The following PDLIM5 variants were observed in gnomAD, a reference collection of about 807,000 sequenced individuals.
The protein encoded by PDLIM5 is PDZ and LIM domain protein 5.
In PDLIM5, 34 loss-of-function variants were observed where a neutral mutation model predicts 64.2. The observed-to-expected ratio is 0.53, with a 90% CI of 0.40 to 0.71. The LOEUF (loss-of-function observed/expected upper bound fraction) is 0.71, where lower values mean the gene tolerates loss of function less well. Among genes scored for constraint, PDLIM5 ranks in the 30% least tolerant of loss-of-function variants. The pLI is 0.00. For synonymous variants in PDLIM5, 253 were observed against 269.1 expected, an observed-to-expected ratio of 0.94 and a Z score of 0.59; for missense variants, 683 against 733.6, an observed-to-expected ratio of 0.93 and a Z score of 0.80.
chr4:94,454,191 T>C (rs1723116626), intron 1 of PDLIM5, among the ~76,000 whole-genome samples: 1 of 151,966 alleles, frequency 6.6e-6, no homozygotes, highest in Admixed American at 6.6e-5. Context: ...GTTTTTAATA[T>C]AAAATTACAT....
chr4:94,623,644 C>T lies in PDLIM5; in HGVS notation c.1108+5453C>T, dbSNP rs184358249. On this transcript the variant is annotated intron_variant, in intron 8 of 12. Transcript: ENST00000317968. Reference sequence around the variant, plus strand: ...TTTACAGCATCTAAACAATGCCTGGCACAGTTTATAGGCCCTCAGTAAATG... The same window carrying T: ...TTTACAGCATCTAAACAATGCCTGGTACAGTTTATAGGCCCTCAGTAAATG... Among the ~76,000 whole-genome samples, 210 of 152,234 alleles carry T rather than the reference C, an allele frequency of 1.4e-3. 1 individual carries two copies. Among genetic ancestry groups the T allele is most frequent in the African/African-American group, 4.9e-3 (202 of 41,532 alleles).
At chr4:94,553,496 A>G (rs1732998971) in intron 3 of PDLIM5, among the ~76,000 whole-genome samples, 1 of 152,216 alleles carries the variant, frequency 6.6e-6, no homozygotes, top group African/African-American at 2.4e-5. Context: ...TTATTTAACA[A>G]TAAATTTTAA....
chr4:94,548,830 G>A (rs919598736), intron 3 of PDLIM5, among the ~76,000 whole-genome samples: 9 of 152,008 alleles, frequency 5.9e-5, no homozygotes, highest in African/African-American at 1.7e-4. Context: ...TTGATGTCCC[G>A]TGGCTGGCCA....
chr4:94,625,609 T>C (rs549321188), intron 8 of PDLIM5, among the ~76,000 whole-genome samples: 33 of 152,084 alleles, frequency 2.2e-4, no homozygotes, highest in African/African-American at 5.3e-4. Context: ...CCCGCCACCA[T>C]GCCCGGCTAA....
In PDLIM5 at chr4:94,574,758, T is replaced by G. The variant is rs962189402; in HGVS notation, c.292-858T>G. 5.9e-5 allele frequency among the ~76,000 whole-genome samples: 9 copies of G among 152,208 alleles called. 1 individual carries two copies. The South Asian group carries it at 1.9e-3, about 32-fold the overall frequency. ...ATGCTTTGGAATAAGGATTGGCAAA[T>G]AAAAATTCTGGTAATTTTAGGAGGA... On this transcript the variant is annotated intron_variant, in intron 4 of 12. Coordinates refer to ENST00000317968, the MANE Select transcript of PDLIM5 (RefSeq NM_006457.5).
At chr4:94,586,572 T>G (rs1290854049) in intron 7 of PDLIM5, 128 bp downstream of exon 7, 10 of 625,064 alleles carry the variant, frequency 1.6e-5, no homozygotes, top group Non-Finnish European at 2.9e-5. Flanking sequence ...GCATTTAACT[T>G]TGGTGCCTTT....
chr4:94,506,397 T>C (rs143255405), intron 2 of PDLIM5, among the ~76,000 whole-genome samples: 2 of 152,324 alleles, frequency 1.3e-5, no homozygotes, highest in South Asian at 2.1e-4. Flanking sequence ...CTCACAGTTC[T>C]GGAGACTGGG....
In PDLIM5 at chr4:94,571,768, A is replaced by G. The variant is rs189415692; in HGVS notation, c.249-1583A>G. 5.2e-3 allele frequency among the ~76,000 whole-genome samples: 795 copies of G among 152,346 alleles called. 7 individuals carry two copies. The highest frequency in any genetic ancestry group is 7.9e-3 in the Non-Finnish European group (537 of 68,034). On this transcript the variant is annotated intron_variant, in intron 3 of 12. Coordinates refer to ENST00000317968, the MANE Select transcript of PDLIM5 (RefSeq NM_006457.5). ...TCGAAAGAAAAGGAAGACAATTACA[A>G]CAATTCTAATTTTGAGAAATAGGTT...
intron 7 of PDLIM5, chr4:94,587,100 C>G (rs779179483): frequency 6.3e-7 from 1 of 1,599,342 alleles, no homozygotes; most frequent in South Asian, 1.2e-5. Flanking sequence ...GCCTTGCCCC[C>G]CAAGCAGCCA....
In PDLIM5 at chr4:94,602,173, T is replaced by A. The variant is rs566539623; in HGVS notation, c.920+15729T>A. Among the ~76,000 whole-genome samples the A allele has an allele frequency of 1.6e-4, 25 of 152,354 alleles. No individual in the cohort carries two copies. In the South Asian group the frequency reaches 4.1e-3, roughly 25 times the overall value. On this transcript the variant is annotated intron_variant, in intron 7 of 12. Transcript: ENST00000317968. Reference sequence around the variant, plus strand: ...TTTCAAGGTTTGTGAATTTTTCCTCTTATTGAAAACTCGTCGTGTGGGTAT... The same window carrying A: ...TTTCAAGGTTTGTGAATTTTTCCTCATATTGAAAACTCGTCGTGTGGGTAT...
Position 94,654,463 on chromosome 4 carries a change from A to T in PDLIM5, c.1287A>T (p.Gly429=). ...MCAHCNQVIR[G]PFLVALGKSW... is the part of the protein sequence containing the mutation. ...TGGCCTCTTTTTCTTCTGTCAGAGGACCATTCTTAGTGGCACTGGGGAAAT... is the reference window on the plus strand; with the variant it reads ...TGGCCTCTTTTTCTTCTGTCAGAGGTCCATTCTTAGTGGCACTGGGGAAAT... The change falls in exon 10 of 13, where the codon GGA becomes GGT. Residue 429 remains glycine (G), a synonymous_variant. Coordinates refer to ENST00000317968, the MANE Select transcript of PDLIM5 (RefSeq NM_006457.5). 1 of 1,605,020 alleles carries T rather than the reference A, an allele frequency of 6.2e-7. No homozygotes were observed. The highest frequency in any genetic ancestry group is 2.2e-5 in the East Asian group (1 of 44,844).
chr4:94,599,760 G>A (rs1436819715), intron 7 of PDLIM5, among the ~76,000 whole-genome samples: 1 of 152,088 alleles, frequency 6.6e-6, no homozygotes, highest in Non-Finnish European at 1.5e-5. Context: ...CAGTGGGAAG[G>A]CCCTATAGTG....
chr4:94,586,975 TTGTA>T (rs777686379), intron 7 of PDLIM5: 5 of 1,507,792 alleles, frequency 3.3e-6, no homozygotes, highest in Admixed American at 4.4e-5. Flanking sequence ...TTTTTTTTTT[TTGTA>T]TTTCCACAGG....
intron 2 of PDLIM5, among the ~76,000 whole-genome samples, chr4:94,499,774 C>T (rs2110080010): frequency 6.6e-6 from 1 of 152,240 alleles, no homozygotes; most frequent in East Asian, 1.9e-4. Flanking sequence ...GTCAGACCAG[C>T]AGTGGCATTA....
chr4:94,515,475 T>A (rs3805298), intron 2 of PDLIM5, among the ~76,000 whole-genome samples: 2,395 of 152,328 alleles, frequency 0.016, 39 homozygotes, highest in East Asian at 0.072. Context: ...TTTTGAAATA[T>A]CTTTAGCTTG....
Position 94,665,552 on chromosome 4 carries a change from A to G in PDLIM5, c.*1485A>G. The G allele has an allele frequency of 1.1e-6, 1 of 929,504 alleles. No individual in the cohort carries two copies. Among genetic ancestry groups the G allele is most frequent in the Non-Finnish European group, 1.3e-6 (1 of 789,224 alleles). The allele number at this position is 929,504 out of a possible 1,614,324, so 57.6% of individuals were successfully genotyped here. On this transcript the variant is annotated 3_prime_UTR_variant, in exon 13 of 13. Transcript: ENST00000317968. ...AAAAGAATGTGGCTGGGAATTGTGA[A>G]TCAGAAGATTATACCCCCCAATTGT...
chr4:94,567,360 TTTATA>T (rs1287371863), intron 3 of PDLIM5, among the ~76,000 whole-genome samples: 6 of 152,216 alleles, frequency 3.9e-5, no homozygotes, highest in Admixed American at 3.3e-4. Context: ...TTTTATTACT[TTTATA>T]TTAGTAATGA....
chr4:94,586,088 T>G (rs1405127679), intron 6 of PDLIM5, among the ~76,000 whole-genome samples: 1 of 152,094 alleles, frequency 6.6e-6, no homozygotes, highest in Non-Finnish European at 1.5e-5. Flanking sequence ...GAGAATCATT[T>G]GAACCGGGGA....
chr4:94,642,231 T>C (rs1741051659), intron 9 of PDLIM5, among the ~76,000 whole-genome samples: 1 of 152,184 alleles, frequency 6.6e-6, no homozygotes, highest in Non-Finnish European at 1.5e-5. Context: ...TATGCTATTG[T>C]AAGCAAGTAA....
Sources: gnomAD v4.1 joint callset for allele counts (sites outside exome capture counted in the v4.1 genomes callset) on GRCh38, gnomAD v4.1.1 for gene constraint, MANE v1.5 for transcripts, NCBI Gene and HGNC (gene_info 2026-07-23, HGNC 2026-07-21) for gene names.